CLSTN2: variants seen among roughly 807,000 people sequenced by gnomAD.
The protein encoded by CLSTN2 is calsyntenin-2.
CLSTN2 carries 48 observed loss-of-function variants against 101.2 expected under a neutral mutation model. The observed-to-expected ratio is 0.47, with a 90% CI of 0.38 to 0.60. CLSTN2 has a LOEUF of 0.60. Ranked by LOEUF, CLSTN2 falls within the 20% of genes least tolerant of loss-of-function variation. The probability of loss-of-function intolerance (pLI) is 0.00; values close to 1 mark genes in which losing one functional copy is unlikely to be tolerated. For synonymous variants in CLSTN2, 481 were observed against 463.6 expected (o/e 1.04, Z -0.48); for missense variants, 1,160 against 1,238.2 (o/e 0.94, Z 0.95).
chr3:140,111,895 A>G (rs1179770718), intron 1 of CLSTN2, among the ~76,000 whole-genome samples: 1 of 152,208 alleles, frequency 6.6e-6, no homozygotes, highest in Non-Finnish European at 1.5e-5. Context: ...TTTACAGATG[A>G]TGAAACTGAG....
intron 8 of CLSTN2, among the ~76,000 whole-genome samples, chr3:140,472,782 A>G (rs1262442318): frequency 6.6e-6 from 1 of 152,190 alleles, no homozygotes; most frequent in African/African-American, 2.4e-5. Flanking sequence ...TTCTGGGTGA[A>G]TAATATATGT....
At chr3:140,497,894 T>TTC (rs1484939797) in intron 8 of CLSTN2, among the ~76,000 whole-genome samples, 1 of 152,004 alleles carries the variant, frequency 6.6e-6, no homozygotes, top group Non-Finnish European at 1.5e-5. Flanking sequence ...CCGGGAGGGG[T>TTC]CATACAATCA....
At chr3:140,048,277 G>T (rs1446696236) in intron 1 of CLSTN2, among the ~76,000 whole-genome samples, 1 of 152,176 alleles carries the variant, frequency 6.6e-6, no homozygotes, top group East Asian at 1.9e-4. Flanking sequence ...CCACAGTTGT[G>T]CATGGACCAT....
At chr3:139,998,455 GC>G (rs201202070) in intron 1 of CLSTN2, among the ~76,000 whole-genome samples, 6,178 of 144,180 alleles carry the variant, frequency 0.043, 146 homozygotes, top group Non-Finnish European at 0.052. Flanking sequence ...CTATTCTCCT[GC>G]CTCAGCCTCC....
chr3:140,318,779 C>T (rs891725718), intron 2 of CLSTN2, among the ~76,000 whole-genome samples: 2 of 152,146 alleles, frequency 1.3e-5, no homozygotes, highest in Non-Finnish European at 2.9e-5. Flanking sequence ...CTTTTAGTGC[C>T]TACTTTGTAC....
intron 2 of CLSTN2, among the ~76,000 whole-genome samples, chr3:140,340,285 C>T (rs1372670195): frequency 6.6e-6 from 1 of 152,176 alleles, no homozygotes; most frequent in East Asian, 1.9e-4. Context: ...CATCACCTTC[C>T]CCTGGTTATG....
chr3:140,066,641 G>A (rs1333646315), intron 1 of CLSTN2, among the ~76,000 whole-genome samples: 2 of 152,186 alleles, frequency 1.3e-5, no homozygotes, highest in Admixed American at 1.3e-4. Flanking sequence ...CCATTTTACT[G>A]TTCTGCTACC....
At chr3:139,940,579 A>G (rs1170441808) in intron 1 of CLSTN2, among the ~76,000 whole-genome samples, 2 of 151,894 alleles carry the variant, frequency 1.3e-5, no homozygotes, top group Admixed American at 1.3e-4. Flanking sequence ...AGCTTTGTTC[A>G]TATCTTTTCT....
At chr3:140,292,919 C>T (rs1401456469) in intron 2 of CLSTN2, among the ~76,000 whole-genome samples, 2 of 152,240 alleles carry the variant, frequency 1.3e-5, no homozygotes. Context: ...GGCTGAGTCT[C>T]TGGTTGGTGG....
chr3:140,429,587 G>A (rs925522105), intron 5 of CLSTN2, among the ~76,000 whole-genome samples: 2 of 152,148 alleles, frequency 1.3e-5, no homozygotes, highest in Admixed American at 6.5e-5. Flanking sequence ...GAGGACAGGG[G>A]ACCACAGAGG....
intron 1 of CLSTN2, among the ~76,000 whole-genome samples, chr3:140,132,622 G>T (rs1260226140): frequency 6.6e-6 from 1 of 152,204 alleles, no homozygotes; most frequent in Non-Finnish European, 1.5e-5. Flanking sequence ...AGGATTAAAT[G>T]AGATGACATG....
chr3:140,321,050 G>C (rs780610984), intron 2 of CLSTN2, among the ~76,000 whole-genome samples: 1 of 152,174 alleles, frequency 6.6e-6, no homozygotes, highest in East Asian at 1.9e-4. Flanking sequence ...CATCTTTCGC[G>C]GGGTATGGGC....
At chr3:140,421,377 C>T (rs2088504520) in intron 5 of CLSTN2, 103 bp downstream of exon 5, 5 of 1,320,286 alleles carry the variant, frequency 3.8e-6, no homozygotes, top group Non-Finnish European at 5.3e-6. Context: ...TTTTAAAGTA[C>T]AGTCACTTTG....
chr3:140,102,503 G>A (rs1163102282), intron 1 of CLSTN2, among the ~76,000 whole-genome samples: 1 of 152,208 alleles, frequency 6.6e-6, no homozygotes, highest in Non-Finnish European at 1.5e-5. Flanking sequence ...AAAGAATCTT[G>A]CCTCTGATTT....
intron 2 of CLSTN2, among the ~76,000 whole-genome samples, chr3:140,259,307 C>G (rs981208448): frequency 2.0e-5 from 3 of 151,858 alleles, no homozygotes; most frequent in East Asian, 3.9e-4. Context: ...AACCCCGTCT[C>G]TACTAAAAAT....
chr3:140,120,109 G>A (rs1253722932), intron 1 of CLSTN2, among the ~76,000 whole-genome samples: 1 of 152,112 alleles, frequency 6.6e-6, no homozygotes, highest in East Asian at 1.9e-4. Flanking sequence ...GACACTACCT[G>A]TAGATAGTAT....
chr3:139,976,475 C>A (rs1037450446), intron 1 of CLSTN2, among the ~76,000 whole-genome samples: 7 of 152,204 alleles, frequency 4.6e-5, no homozygotes, highest in African/African-American at 1.7e-4. Flanking sequence ...CTCCTCAGTG[C>A]ACGGATGAGG....
intron 9 of CLSTN2, among the ~76,000 whole-genome samples, chr3:140,544,896 G>A (rs537183108): frequency 1.1e-4 from 17 of 152,068 alleles, no homozygotes; most frequent in Middle Eastern, 3.2e-3. Context: ...TTTAGGGGTG[G>A]TGTCTCAGTA....
chr3:140,110,331 C>T (rs2009133074), intron 1 of CLSTN2, among the ~76,000 whole-genome samples: 1 of 152,138 alleles, frequency 6.6e-6, no homozygotes, highest in African/African-American at 2.4e-5. Context: ...AAGATCAGGG[C>T]ATGAACTACT....
Sources: gnomAD v4.1 joint callset for allele counts (sites outside exome capture counted in the v4.1 genomes callset) on GRCh38, gnomAD v4.1.1 for gene constraint, MANE v1.5 for transcripts, NCBI Gene and HGNC (gene_info 2026-07-23, HGNC 2026-07-21) for gene names.